Variants in CADPS observed in about 807,000 individuals in gnomAD.
CADPS encodes calcium dependent secretion activator.
A neutral mutation model predicts 167.3 loss-of-function variants in CADPS; 57 were observed. That is an observed-to-expected ratio of 0.34 (90% CI 0.28 to 0.42). The LOEUF (loss-of-function observed/expected upper bound fraction) is 0.42, where lower values mean the gene tolerates loss of function less well. Ranked by LOEUF, CADPS falls within the 20% of genes least tolerant of loss-of-function variation. The probability of loss-of-function intolerance (pLI) is 1.00; values close to 1 mark genes in which losing one functional copy is unlikely to be tolerated. For missense variants in CADPS, 1,414 were observed against 1,738.1 expected (o/e 0.81, Z 3.32); for synonymous variants, 676 against 635.3 (o/e 1.06, Z -0.96).
rs192164868 is a variant in CADPS, at chr3:62,505,227, T to C, written c.2600-5959A>G. Among the ~76,000 whole-genome samples, 173 of 152,310 alleles carry C rather than the reference T, an allele frequency of 1.1e-3. 1 individual carries two copies. The highest frequency in any genetic ancestry group is 4.1e-3 in the African/African-American group (169 of 41,560). ...ATACAATTTATTTAGTGGGACTGTCTGTTATGTATACTTGATCCCCTTGAT... is the reference window on the plus strand; with the variant it reads ...ATACAATTTATTTAGTGGGACTGTCCGTTATGTATACTTGATCCCCTTGAT... On this transcript the variant is annotated intron_variant, in intron 17 of 29. Transcript: ENST00000383710.
intron 10 of CADPS, among the ~76,000 whole-genome samples, chr3:62,553,682 CT>C (rs1207649626): frequency 6.6e-6 from 1 of 152,110 alleles, no homozygotes; most frequent in Non-Finnish European, 1.5e-5. Context: ...AGCAACAGGG[CT>C]TTTTCAGAAA....
chr3:62,790,428 T>C (rs1278524899), intron 1 of CADPS, among the ~76,000 whole-genome samples: 1 of 152,216 alleles, frequency 6.6e-6, no homozygotes, highest in Admixed American at 6.5e-5. Flanking sequence ...TATGTCTCCA[T>C]GTATATTTGT....
chr3:62,701,239 A>G (rs1208423098), intron 3 of CADPS, among the ~76,000 whole-genome samples: 1 of 152,158 alleles, frequency 6.6e-6, no homozygotes, highest in East Asian at 1.9e-4. Flanking sequence ...TTACTCTTTT[A>G]GGACAAGAAA....
chr3:62,465,542 A>T lies in CADPS; in HGVS notation c.3553-92T>A, dbSNP rs992148685. On this transcript the variant is annotated intron_variant, in intron 25 of 29. Coordinates refer to ENST00000383710, the MANE Select transcript of CADPS (RefSeq NM_003716.4). The surrounding 1 kb of genome is among the most constrained non-coding windows in gnomAD (Gnocchi z 4.1). The stretch of plus-strand genomic sequence containing the variant: ...ATTTCCCCACCACATAAAGGCTGGG[A>T]TCGAGCCCTCCGTTCATTTCTGCAG... 6 of 828,040 alleles carry T rather than the reference A, an allele frequency of 7.2e-6. No homozygotes were observed. In the African/African-American group the frequency reaches 1.0e-4, roughly 14 times the overall value. The allele number at this position is 828,040 out of a possible 1,614,324, so 51.3% of individuals were successfully genotyped here. A position where few individuals can be genotyped will look rare whatever the true frequency, so the allele number is the denominator to read the frequency against.
intron 3 of CADPS, among the ~76,000 whole-genome samples, chr3:62,712,684 A>G (rs2083629618): frequency 6.6e-6 from 1 of 152,228 alleles, no homozygotes; most frequent in South Asian, 2.1e-4. Context: ...TTTTGGAATG[A>G]GGCAGGGTTA....
rs79658674 is a variant in CADPS at position 62,632,876 on chromosome 3, G to C, written c.1325+12846C>G. ...GTGGAAAAAGAACAAATTTGGTACA[G>C]CTGTAGAATAATCCTTATGGGAATA... On this transcript the variant is annotated intron_variant, in intron 6 of 29. Transcript: ENST00000383710. Among the ~76,000 whole-genome samples, 9 of 152,214 alleles carry C rather than the reference G, an allele frequency of 5.9e-5. No homozygotes were observed. The East Asian group carries it at 1.7e-3, about 29-fold the overall frequency.
intron 3 of CADPS, among the ~76,000 whole-genome samples, chr3:62,706,049 A>T (rs150225925): frequency 1.3e-5 from 2 of 152,132 alleles, no homozygotes; most frequent in East Asian, 3.9e-4. Context: ...TAATGTTGTC[A>T]CTATCTGGGC....
At chr3:62,718,102 T>C (rs1403156577) in intron 3 of CADPS, among the ~76,000 whole-genome samples, 1 of 152,150 alleles carries the variant, frequency 6.6e-6, no homozygotes, top group Admixed American at 6.5e-5. Flanking sequence ...CTATCTATTG[T>C]CTTCTTTTAC....
intron 13 of CADPS, among the ~76,000 whole-genome samples, chr3:62,521,796 C>T (rs911820737): frequency 3.9e-5 from 6 of 152,166 alleles, no homozygotes; most frequent in Admixed American, 2.0e-4. Context: ...ACATTCTGGC[C>T]ACTCTCGTGT....
chr3:62,588,740 T>C (rs1230235694), intron 7 of CADPS, among the ~76,000 whole-genome samples: 2 of 152,204 alleles, frequency 1.3e-5, no homozygotes, highest in Non-Finnish European at 2.9e-5. Context: ...AAATAAAATA[T>C]ATCTACATAA....
intron 6 of CADPS, among the ~76,000 whole-genome samples, chr3:62,616,022 G>A (rs1346733564): frequency 1.3e-5 from 2 of 151,772 alleles, no homozygotes; most frequent in Non-Finnish European, 2.9e-5. Context: ...ATGTCTATGT[G>A]TTTTTTTTCC....
intron 6 of CADPS, among the ~76,000 whole-genome samples, chr3:62,598,903 T>C (rs17066679): frequency 0.16 from 24,997 of 152,138 alleles, 2,484 homozygotes; most frequent in East Asian, 0.33. Flanking sequence ...GCTTTTTACT[T>C]TGAATTTATT....
chr3:62,864,867 G>T (rs1319658653), intron 1 of CADPS, among the ~76,000 whole-genome samples: 1 of 152,116 alleles, frequency 6.6e-6, no homozygotes, highest in African/African-American at 2.4e-5. Context: ...CTACGTCAGT[G>T]TATCTCAACT....
At chr3:62,617,216 A>C (rs1333192713) in intron 6 of CADPS, among the ~76,000 whole-genome samples, 1 of 152,186 alleles carries the variant, frequency 6.6e-6, no homozygotes, top group Non-Finnish European at 1.5e-5. Context: ...GTGAGAACAC[A>C]ATGAGCCAAT....
intron 1 of CADPS, among the ~76,000 whole-genome samples, chr3:62,801,745 T>A (rs1483465540): frequency 6.6e-6 from 1 of 152,094 alleles, no homozygotes; most frequent in Non-Finnish European, 1.5e-5. Flanking sequence ...ATTACCCCGT[T>A]TTACGGATTA....
chr3:62,427,609 C>T (rs1373979054), intron 28 of CADPS, among the ~76,000 whole-genome samples: 2 of 152,064 alleles, frequency 1.3e-5, no homozygotes, highest in Non-Finnish European at 2.9e-5. Context: ...GGAATGTCTC[C>T]AGACATGGTT....
intron 6 of CADPS, among the ~76,000 whole-genome samples, chr3:62,599,764 ATATATAATATATATAT>A (rs1409859929): frequency 0.012 from 17 of 1,426 alleles, 1 homozygote; most frequent in Non-Finnish European, 0.026. Context: ...TATATATTGT[ATATATAATATATATAT>A]TATATATAAT....
chr3:62,434,701 A>G (rs1053513967), intron 28 of CADPS, among the ~76,000 whole-genome samples: 1 of 152,222 alleles, frequency 6.6e-6, no homozygotes, highest in Admixed American at 6.5e-5. Flanking sequence ...TGGCAGAGAG[A>G]AAACTAGCTC....
Position 62,753,721 on chromosome 3 carries a change from G to C in CADPS, c.608C>G (p.Ser203Cys). The change falls in exon 3 of 30, where the codon TCC (serine) becomes TGC (cysteine). Residue 203 changes from serine (S) to cysteine (C), a missense_variant. By Grantham distance (112) the Ser-to-Cys change is moderately radical (BLOSUM62 -1). This residue lies in a region of CADPS where 522 missense variants were observed against 559.5 expected (regional missense o/e 0.93). Coordinates refer to ENST00000383710, the MANE Select transcript of CADPS (RefSeq NM_003716.4). The surrounding 1 kb of genome is among the most constrained non-coding windows in gnomAD (Gnocchi z 4.6). ...GAAGACCTCCCGGGAGTCGTTGGCGGAACAGCCTCCACTCTGAACCATGCG... is the reference window on the plus strand; with the variant it reads ...GAAGACCTCCCGGGAGTCGTTGGCGCAACAGCCTCCACTCTGAACCATGCG... ...VARMVQSGGC[S>C]ANDSREVFKK... 6.2e-7 allele frequency: 1 copy of C among 1,614,108 alleles called. No individual in the cohort carries two copies. The highest frequency in any genetic ancestry group is 8.5e-7 in the Non-Finnish European group (1 of 1,180,022).
Sources: allele counts gnomAD v4.1 joint callset (sites outside exome capture counted in the v4.1 genomes callset), GRCh38; gene constraint gnomAD v4.1.1; regional missense constraint gnomAD v4.1.1; non-coding constraint Gnocchi (gnomAD v3.1); transcripts MANE v1.5; gene names NCBI Gene and HGNC (gene_info 2026-07-23, HGNC 2026-07-21).